FANCL: variants seen among roughly 807,000 people sequenced by gnomAD.
The protein encoded by FANCL is FA complementation group L.
A neutral mutation model predicts 59.4 loss-of-function variants in FANCL; 69 were observed. The ratio of observed to expected loss-of-function variants is 1.16; its 90% CI spans 0.96 to 1.42. FANCL has a LOEUF of 1.42. FANCL is among the 40% of genes most tolerant of loss of function. The pLI is 0.00. For missense variants in FANCL, 519 were observed against 447.2 expected (o/e 1.16, Z -1.45); for synonymous variants, 180 against 147.1 (o/e 1.22, Z -1.62).
At chr2:58,183,069 T>C (rs189790032) in intron 7 of FANCL, among the ~76,000 whole-genome samples, 31 of 151,906 alleles carry the variant, frequency 2.0e-4, no homozygotes, top group Admixed American at 6.6e-4. Context: ...TTATAAGACA[T>C]ATAGTACTCA....
At chr2:58,172,499 A>C (rs1272978154) in intron 7 of FANCL, among the ~76,000 whole-genome samples, 2 of 152,200 alleles carry the variant, frequency 1.3e-5, no homozygotes, top group African/African-American at 4.8e-5. Flanking sequence ...CAGGGTCTGG[A>C]GTGGACCTCT....
At chr2:58,206,468 G>T (rs1260053373) in intron 5 of FANCL, among the ~76,000 whole-genome samples, 1 of 151,358 alleles carries the variant, frequency 6.6e-6, no homozygotes, top group Non-Finnish European at 1.5e-5. Context: ...ATATAAAGAG[G>T]GAGAGAGAAG....
chr2:58,224,163 T>G (rs995308799), intron 4 of FANCL, among the ~76,000 whole-genome samples: 1 of 151,876 alleles, frequency 6.6e-6, no homozygotes, highest in African/African-American at 2.4e-5. Flanking sequence ...CCAAGAGAGC[T>G]GTGACTTACA....
At chr2:58,176,020 C>T (rs1440392784) in intron 7 of FANCL, among the ~76,000 whole-genome samples, 1 of 152,084 alleles carries the variant, frequency 6.6e-6, no homozygotes, top group African/African-American at 2.4e-5. Flanking sequence ...GAGTGAACTC[C>T]CATTCACAAT....
intron 2 of FANCL, 37 bp from the exon 3 acceptor site, chr2:58,229,911 T>C: frequency 6.8e-7 from 1 of 1,476,106 alleles, no homozygotes; most frequent in South Asian, 1.1e-5. Flanking sequence ...TTATTCATTG[T>C]TCAGAATTAA....
intron 3 of FANCL, 106 bp downstream of exon 3, chr2:58,229,708 T>C (rs1243519468): frequency 1.2e-6 from 1 of 852,558 alleles, no homozygotes; most frequent in Non-Finnish European, 1.9e-6. Context: ...TTAACAACTA[T>C]TAAACCAGTT....
At chr2:58,198,533 G>A (rs1249794725) in intron 7 of FANCL, 61 bp downstream of exon 7, 1 of 1,410,828 alleles carries the variant, frequency 7.1e-7, no homozygotes, top group Non-Finnish European at 1.0e-6. Context: ...GGATACTCTG[G>A]GACAACTGTA....
chr2:58,163,133 C>G, intron 9 of FANCL, 59 bp from the exon 10 acceptor site: 1 of 1,404,022 alleles, frequency 7.1e-7, no homozygotes, highest in Non-Finnish European at 1.0e-6. Context: ...TTTCTAAAGC[C>G]ACATTTGATA....
At chr2:58,239,632 G>T (rs1694330983) in intron 1 of FANCL, among the ~76,000 whole-genome samples, 1 of 152,108 alleles carries the variant, frequency 6.6e-6, no homozygotes, top group South Asian at 2.1e-4. Context: ...TAAATATCCT[G>T]ATTTTAATCA....
At chr2:58,180,361 C>A (rs936326536) in intron 7 of FANCL, among the ~76,000 whole-genome samples, 1 of 152,144 alleles carries the variant, frequency 6.6e-6, no homozygotes, top group African/African-American at 2.4e-5. Context: ...AAATGTGGTA[C>A]ATATACACCA....
chr2:58,192,998 T>C (rs1315565527), intron 7 of FANCL, among the ~76,000 whole-genome samples: 1 of 151,910 alleles, frequency 6.6e-6, no homozygotes, highest in African/African-American at 2.4e-5. Flanking sequence ...TTAAAAAGAT[T>C]GCATTAAAAA....
chr2:58,171,954 A>G (rs1435189999), intron 7 of FANCL, among the ~76,000 whole-genome samples: 3 of 152,206 alleles, frequency 2.0e-5, no homozygotes, highest in African/African-American at 7.2e-5. Context: ...AGGAGATTAC[A>G]TCCCGCTTGG....
chr2:58,174,617 TC>T, intron 7 of FANCL, among the ~76,000 whole-genome samples: 1 of 152,036 alleles, frequency 6.6e-6, no homozygotes, highest in Non-Finnish European at 1.5e-5. Context: ...TATACCAGAA[TC>T]TCTGGGACAC....
chr2:58,207,323 T>C (rs990644709), intron 5 of FANCL, among the ~76,000 whole-genome samples: 10 of 152,208 alleles, frequency 6.6e-5, no homozygotes, highest in African/African-American at 2.2e-4. Flanking sequence ...ATCTGCACTG[T>C]TTAAAACGGT....
rs368331490 is a variant in FANCL at position 58,219,541 on chromosome 2, G to C, written c.374+2401C>G. 3.1e-4 allele frequency among the ~76,000 whole-genome samples: 47 copies of C among 151,868 alleles called. No individual in the cohort carries two copies. The South Asian group carries it at 9.1e-3, about 30-fold the overall frequency. Reference sequence around the variant, plus strand: ...AGAGAGAAAAAAACAGTAACTTTACGGTGCAGAAACCCGACAAATACTACC... The same window carrying C: ...AGAGAGAAAAAAACAGTAACTTTACCGTGCAGAAACCCGACAAATACTACC... On this transcript the variant is annotated intron_variant, in intron 5 of 13. Coordinates refer to ENST00000233741, the MANE Select transcript of FANCL (RefSeq NM_018062.4).
At chr2:58,211,497 G>A (rs984251188) in intron 5 of FANCL, among the ~76,000 whole-genome samples, 1 of 152,138 alleles carries the variant, frequency 6.6e-6, no homozygotes, top group Non-Finnish European at 1.5e-5. Context: ...ATTATCTTGG[G>A]GACTAACATT....
chr2:58,224,745 A>C (rs931166030), intron 4 of FANCL, among the ~76,000 whole-genome samples: 8 of 151,994 alleles, frequency 5.3e-5, no homozygotes, highest in African/African-American at 1.9e-4. Context: ...CAAGTAGAAC[A>C]TAACAAAAAA....
At position 58,165,681 on chromosome 2, in the gene FANCL, A is replaced by G. The variant is rs1305327642; in HGVS notation, c.691+43T>C. On this transcript the variant is annotated intron_variant, in intron 8 of 13. Coordinates refer to ENST00000233741, the MANE Select transcript of FANCL (RefSeq NM_018062.4). ...GTTAGATTTATTTTCATAATACAAA[A>G]TAAAACACCTAAAAACAAACCCTTA... 3.1e-6 allele frequency: 5 copies of G among 1,612,378 alleles called. No individual in the cohort carries two copies. In the African/African-American group the frequency reaches 6.7e-5, roughly 22 times the overall value.
chr2:58,176,152 A>G (rs1687274813), intron 7 of FANCL, among the ~76,000 whole-genome samples: 1 of 152,054 alleles, frequency 6.6e-6, no homozygotes, highest in Non-Finnish European at 1.5e-5. Flanking sequence ...ATGGAAGAAC[A>G]TTCCATGCTC....
Sources: allele counts gnomAD v4.1 joint callset (sites outside exome capture counted in the v4.1 genomes callset), GRCh38; gene constraint gnomAD v4.1.1; transcripts MANE v1.5; gene names NCBI Gene and HGNC (gene_info 2026-07-23, HGNC 2026-07-21).